The following PRKCE variants were observed in gnomAD, a reference collection of about 807,000 sequenced individuals.
The protein encoded by PRKCE is protein kinase C epsilon.
Under a neutral mutation model 85.4 loss-of-function variants are expected in PRKCE, and 16 were observed. That is an observed-to-expected ratio of 0.19 (90% confidence interval 0.13 to 0.28). PRKCE has a LOEUF of 0.28. Among genes scored for constraint, PRKCE ranks in the 10% least tolerant of loss-of-function variants. The probability of loss-of-function intolerance (pLI) is 1.00; values close to 1 mark genes in which losing one functional copy is unlikely to be tolerated. For missense variants in PRKCE, 573 were observed against 975.2 expected (o/e 0.59, Z 5.49); for synonymous variants, 388 against 371.5 (o/e 1.04, Z -0.51).
chr2:45,954,035 T>C (rs1700807961), intron 2 of PRKCE, among the ~76,000 whole-genome samples: 1 of 152,202 alleles, frequency 6.6e-6, no homozygotes, highest in Non-Finnish European at 1.5e-5. Context: ...CTTTGCCTAT[T>C]ACAAAATTTA....
chr2:45,782,443 C>T (rs1033374247), intron 1 of PRKCE, among the ~76,000 whole-genome samples: 6 of 151,976 alleles, frequency 3.9e-5, no homozygotes, highest in Non-Finnish European at 8.8e-5. Context: ...TAAAATAGGC[C>T]GAGAGTCCCC....
intron 10 of PRKCE, among the ~76,000 whole-genome samples, chr2:46,032,613 TG>T (rs1374026681): frequency 6.6e-6 from 1 of 152,206 alleles, no homozygotes; most frequent in Non-Finnish European, 1.5e-5. Flanking sequence ...GAGTTTTTAT[TG>T]GCTAGGCTGA....
intron 2 of PRKCE, among the ~76,000 whole-genome samples, chr2:45,953,856 A>G (rs1048683167): frequency 2.0e-5 from 3 of 152,198 alleles, no homozygotes; most frequent in Non-Finnish European, 4.4e-5. Flanking sequence ...GTGCAATATT[A>G]GTCCTAATTA....
intron 1 of PRKCE, among the ~76,000 whole-genome samples, chr2:45,788,063 G>A (rs377266193): frequency 3.9e-5 from 6 of 152,288 alleles, no homozygotes; most frequent in Non-Finnish European, 2.9e-5. Context: ...AGGCCTCACC[G>A]TGTTCTGACT....
chr2:45,772,061 A>G (rs1685380857), intron 1 of PRKCE, among the ~76,000 whole-genome samples: 2 of 152,194 alleles, frequency 1.3e-5, no homozygotes, highest in African/African-American at 4.8e-5. Flanking sequence ...CCCATTTGAC[A>G]GCAAGGGAAA....
chr2:46,047,957 G>A (rs1642992434), intron 10 of PRKCE, among the ~76,000 whole-genome samples: 1 of 152,170 alleles, frequency 6.6e-6, no homozygotes, highest in Admixed American at 6.5e-5. Flanking sequence ...CAGCTGGGTA[G>A]CTCATTAAAT....
intron 1 of PRKCE, among the ~76,000 whole-genome samples, chr2:45,776,868 A>G (rs927539522): frequency 6.6e-6 from 1 of 152,188 alleles, no homozygotes; most frequent in African/African-American, 2.4e-5. Context: ...GAGTCCACAG[A>G]CCATTCTTCC....
At chr2:45,870,380 GTGCATGTTCGAGA>G (rs756755657) in intron 2 of PRKCE, among the ~76,000 whole-genome samples, 3 of 152,218 alleles carry the variant, frequency 2.0e-5, no homozygotes, top group Non-Finnish European at 4.4e-5. Context: ...CAGTGTTTGT[GTGCATGTTCGAGA>G]TGCTAACTTG....
chr2:45,912,471 TG>T (rs1697452218), intron 2 of PRKCE, among the ~76,000 whole-genome samples: 2 of 151,598 alleles, frequency 1.3e-5, no homozygotes, highest in Admixed American at 6.6e-5. Context: ...GCCTTGGGAG[TG>T]GGTGGGGGCT....
intron 1 of PRKCE, among the ~76,000 whole-genome samples, chr2:45,820,620 G>A (rs1689453824): frequency 6.6e-6 from 1 of 152,162 alleles, no homozygotes; most frequent in African/African-American, 2.4e-5. Context: ...TTTTAACTTT[G>A]CTATTTGGAA....
intron 2 of PRKCE, among the ~76,000 whole-genome samples, chr2:45,880,768 A>G (rs1038197275): frequency 1.6e-4 from 25 of 152,216 alleles, no homozygotes; most frequent in Admixed American, 6.5e-4. Flanking sequence ...GTTTGAATAC[A>G]GTCTTATTAA....
intron 2 of PRKCE, among the ~76,000 whole-genome samples, chr2:45,887,907 C>T (rs1376564812): frequency 6.6e-6 from 1 of 152,204 alleles, no homozygotes. Context: ...TCTGGAACTG[C>T]AGCTGCAGGG....
chr2:45,868,167 A>G (rs1693760651), intron 2 of PRKCE, among the ~76,000 whole-genome samples: 1 of 151,050 alleles, frequency 6.6e-6, no homozygotes, highest in African/African-American at 2.4e-5. Context: ...CAAAAAACAA[A>G]CAAACAAAAA....
chr2:45,742,732 G>C (rs970646484), intron 1 of PRKCE, among the ~76,000 whole-genome samples: 4 of 152,198 alleles, frequency 2.6e-5, no homozygotes, highest in Non-Finnish European at 4.4e-5. Flanking sequence ...AGACAGTATG[G>C]AGGTTCCTTT....
At chr2:46,126,759 C>A (rs1558482464) in intron 11 of PRKCE, among the ~76,000 whole-genome samples, 1 of 152,256 alleles carries the variant, frequency 6.6e-6, no homozygotes, top group Admixed American at 6.5e-5. Context: ...TTCCCTTGAG[C>A]AGTCCCATGG....
intron 1 of PRKCE, among the ~76,000 whole-genome samples, chr2:45,821,316 C>G (rs1689512377): frequency 6.6e-6 from 1 of 152,180 alleles, no homozygotes; most frequent in South Asian, 2.1e-4. Flanking sequence ...AAGAGACAGA[C>G]CACCATAGCC....
chr2:46,079,296 T>C (rs907182203), intron 10 of PRKCE, among the ~76,000 whole-genome samples: 31 of 152,176 alleles, frequency 2.0e-4, no homozygotes, highest in South Asian at 2.1e-4. Context: ...TAAGATACAA[T>C]CCAGATGCAT....
At chr2:45,890,659 G>A (rs1462038421) in intron 2 of PRKCE, among the ~76,000 whole-genome samples, 3 of 152,182 alleles carry the variant, frequency 2.0e-5, no homozygotes, top group South Asian at 4.1e-4. Flanking sequence ...GGGATTACAG[G>A]TGTGAGCCAC....
chr2:45,847,802 G>A (rs1030905395), intron 2 of PRKCE, among the ~76,000 whole-genome samples: 1 of 152,180 alleles, frequency 6.6e-6, no homozygotes, highest in Non-Finnish European at 1.5e-5. Flanking sequence ...TAAAGCCAAA[G>A]TTCTTAGCTT....
Sources: gnomAD v4.1 joint callset for allele counts (sites outside exome capture counted in the v4.1 genomes callset) on GRCh38, gnomAD v4.1.1 for gene constraint, MANE v1.5 for transcripts, NCBI Gene and HGNC (gene_info 2026-07-23, HGNC 2026-07-21) for gene names.